Variants in MXRA5 observed in about 807,000 individuals in gnomAD.
The protein encoded by MXRA5 is matrix-remodeling-associated protein 5.
MXRA5 carries 41 observed loss-of-function variants against 112.5 expected under a neutral mutation model. The ratio of observed to expected loss-of-function variants is 0.36; its 90% CI spans 0.28 to 0.47. The LOEUF (loss-of-function observed/expected upper bound fraction) is 0.47. MXRA5 is among the 20% of genes least tolerant of loss of function. MXRA5 has a pLI of 0.99. For synonymous variants in MXRA5, 862 were observed against 900.8 expected (o/e 0.96, Z 0.77); for missense variants, 2,150 against 2,251.0 (o/e 0.96, Z 0.91).
rs1441464570 is a variant in MXRA5 at position 3,317,126 on chromosome X, C to A, written c.6555G>T (p.Lys2185Asn). The A allele has an allele frequency of 8.5e-7, 1 of 1,183,218 alleles. No homozygotes were observed. The highest frequency in any genetic ancestry group is 3.1e-5 in the East Asian group (1 of 32,739). Reference protein sequence around the residue: ...WPRILWRLPSKRMIDALFSFD... With the variant: ...WPRILWRLPSNRMIDALFSFD... Reference sequence around the variant, plus strand: ...ACCTGAAGAGCGCGTCGATCATCCTCTTGGACGGCAGCCTCCAGAGGATGC... The same window carrying A: ...ACCTGAAGAGCGCGTCGATCATCCTATTGGACGGCAGCCTCCAGAGGATGC... The change falls in exon 6 of 7, where the codon AAG (lysine) becomes AAT (asparagine). Residue 2185 changes from lysine to asparagine, a missense_variant. Physicochemically the swap from Lys to Asn is moderately conservative, Grantham distance 94. Around this residue, in one of 6 missense-constraint regions of MXRA5, gnomAD observed 1,485 missense variants for 1,471.6 expected, o/e 1.01. Coordinates refer to ENST00000217939, the MANE Select transcript of MXRA5 (RefSeq NM_015419.4).
intron 2 of MXRA5, among the ~76,000 whole-genome samples, chrX:3,333,302 C>CAAAAAAAAAAAAAAAA (rs386416494): frequency 1.4e-4 from 2 of 14,812 alleles, no homozygotes; most frequent in African/African-American, 3.2e-4. Context: ...TACCCCATAT[C>CAAAAAAAAAAAAAAAA]AAAAAAAAAA....
chrX:3,332,046 C>T (rs959682118), intron 2 of MXRA5, among the ~76,000 whole-genome samples: 6 of 111,875 alleles, frequency 5.4e-5, no homozygotes, highest in African/African-American at 2.0e-4. Context: ...TTCTCATACT[C>T]ATATGTGCTC....
At position 3,321,924 on chromosome X, in the gene MXRA5, C is replaced by T; in HGVS notation, c.3761G>A (p.Gly1254Glu). The T allele has an allele frequency of 8.3e-7, 1 of 1,210,956 alleles. No homozygotes were observed. The highest frequency in any genetic ancestry group is 1.1e-6 in the Non-Finnish European group (1 of 895,211). The change falls in exon 5 of 7, where the codon GGA (glycine) becomes GAA (glutamate). Residue 1254 changes from glycine to glutamate, a missense_variant. Physicochemically the swap from Gly to Glu is moderately conservative, Grantham distance 98. Around this residue, in one of 6 missense-constraint regions of MXRA5, gnomAD observed 1,485 missense variants for 1,471.6 expected, o/e 1.01. Transcript: ENST00000217939. ...TPSTVSSRAS[G>E]SKPSPSPENK... is the part of the protein sequence containing the mutation. Reference sequence around the variant, plus strand: ...TTCTGGAGAAGGGCTGGGCTTGGATCCGGACGCTCTTGAGCTCACTGTAGA... The same window carrying T: ...TTCTGGAGAAGGGCTGGGCTTGGATTCGGACGCTCTTGAGCTCACTGTAGA...
intron 4 of MXRA5, among the ~76,000 whole-genome samples, chrX:3,327,853 A>G (rs1921549675): frequency 8.9e-6 from 1 of 112,886 alleles, no homozygotes; most frequent in African/African-American, 3.2e-5. Context: ...ATACTTTACA[A>G]TCTTGAGTTT....
intron 2 of MXRA5, among the ~76,000 whole-genome samples, chrX:3,336,139 C>A (rs1198881119): frequency 5.4e-5 from 6 of 111,898 alleles, no homozygotes; most frequent in African/African-American, 2.0e-4. Context: ...ACTGTGTGTG[C>A]AAGGGATCTA....
chrX:3,310,227 C>T lies in MXRA5; in HGVS notation c.7976G>A (p.Cys2659Tyr). Residue 2659 changes from cysteine (C) to tyrosine (Y), a missense_variant, in exon 7 of 7, where the codon TGC becomes TAC. Around this residue, in one of 6 missense-constraint regions of MXRA5, gnomAD observed 178 missense variants for 198.2 expected, o/e 0.90. Coordinates refer to ENST00000217939, the MANE Select transcript of MXRA5 (RefSeq NM_015419.4). The part of the protein sequence containing the change: ...IINGETLKLP[C>Y]TPPGAGQGRF... Reference sequence around the variant, plus strand: ...TCCCTGCCCAGCCCCGGGAGGGGTGCAGGGGAGCTTCAGGGTCTCACCATT... The same window carrying T: ...TCCCTGCCCAGCCCCGGGAGGGGTGTAGGGGAGCTTCAGGGTCTCACCATT... The T allele has an allele frequency of 2.5e-6, 3 of 1,211,741 alleles. No homozygotes were observed. The highest frequency in any genetic ancestry group is 3.4e-6 in the Non-Finnish European group (3 of 895,453).
intron 2 of MXRA5, among the ~76,000 whole-genome samples, chrX:3,339,290 C>T (rs757924896): frequency 2.8e-5 from 3 of 109,013 alleles, no homozygotes; most frequent in Non-Finnish European, 5.7e-5. Context: ...TTTGAGATGG[C>T]GTCTCGCTCT....
rs1326143519 is a variant in MXRA5, at chrX:3,310,545, G to A, written c.7658C>T (p.Thr2553Met). The stretch of plus-strand genomic sequence containing the variant: ...GCTGATGGTGTGGCCCGCCATGGCC[G>A]TGATCTTCTCGCTGATCGGGTCGTG... ...IFHDPISEKITAMAGHTISLN... is the reference protein window; with the variant it reads ...IFHDPISEKIMAMAGHTISLN... Residue 2553 changes from threonine to methionine, a missense_variant, in exon 7 of 7, where the codon ACG (threonine) becomes ATG (methionine). Coordinates refer to ENST00000217939, the MANE Select transcript of MXRA5 (RefSeq NM_015419.4). 1.0e-5 allele frequency: 12 copies of A among 1,184,774 alleles called. No homozygotes were observed. The East Asian group carries it at 1.5e-4, about 15-fold the overall frequency.
chrX:3,331,359 C>T (rs1316876258), intron 2 of MXRA5, among the ~76,000 whole-genome samples: 1 of 112,121 alleles, frequency 8.9e-6, no homozygotes, highest in Non-Finnish European at 1.9e-5. Context: ...TTGGAATATG[C>T]TGTTGTGGTC....
chrX:3,335,011 T>C (rs1052507997), intron 2 of MXRA5, among the ~76,000 whole-genome samples: 1 of 111,194 alleles, frequency 9.0e-6, no homozygotes, highest in African/African-American at 3.3e-5. Flanking sequence ...CCATAGTGAC[T>C]GTGTATTCTT....
At position 3,324,634 on chromosome X, in the gene MXRA5, C is replaced by G. The variant is rs1403370518; in HGVS notation, c.1051G>C (p.Asp351His). 4.1e-6 allele frequency: 5 copies of G among 1,210,577 alleles called. No individual in the cohort carries two copies. Among genetic ancestry groups the G allele is most frequent in the Non-Finnish European group, 5.6e-6 (5 of 894,657 alleles). ...DVYKIHLNQT[D>H]PPDIDINATV... ...GCATTTATGTCAATATCTGGAGGAT[C>G]CGTTTGGTTCAAGTGAATCTTGTAC... The change falls in exon 5 of 7, where the codon GAT (aspartate) becomes CAT (histidine). Residue 351 changes from aspartate to histidine, a missense_variant. Coordinates refer to ENST00000217939, the MANE Select transcript of MXRA5 (RefSeq NM_015419.4).
At position 3,320,933 on chromosome X, in the gene MXRA5, C is replaced by T. The variant is rs748706178; in HGVS notation, c.4752G>A (p.Arg1584=). ...LELEKQVFGS[R]SLPRGPDSQR... ...GGCTATCTGGGCCACGTGGTAGACT[C>T]CTACTACCAAATACTTGCTTTTCCA... Residue 1584 remains arginine (R), a synonymous_variant, in exon 5 of 7, where the codon AGG becomes AGA. Coordinates refer to ENST00000217939, the MANE Select transcript of MXRA5 (RefSeq NM_015419.4). The T allele has an allele frequency of 2.2e-5, 27 of 1,211,464 alleles. No individual in the cohort carries two copies. Among genetic ancestry groups the T allele is most frequent in the Non-Finnish European group, 3.0e-5 (27 of 895,328 alleles).
intron 2 of MXRA5, among the ~76,000 whole-genome samples, chrX:3,340,316 T>G (rs1267649763): frequency 1.8e-5 from 2 of 112,059 alleles, no homozygotes; most frequent in African/African-American, 6.5e-5. Flanking sequence ...GAGTTTTATC[T>G]GTTAGACATT....
chrX:3,317,061 A>C, intron 6 of MXRA5, 42 bp downstream of exon 6: 1 of 1,095,022 alleles, frequency 9.1e-7, no homozygotes, highest in Middle Eastern at 3.4e-4. Context: ...CGTTGGGGCC[A>C]CCAGCCCAGC....
At chrX:3,327,313 C>T (rs1465746256) in intron 4 of MXRA5, among the ~76,000 whole-genome samples, 3 of 111,987 alleles carry the variant, frequency 2.7e-5, no homozygotes. Flanking sequence ...CATACACATA[C>T]TCACACTCAC....
intron 2 of MXRA5, among the ~76,000 whole-genome samples, chrX:3,341,427 G>A (rs190470776): frequency 0.21 from 1,589 of 7,569 alleles, 183 homozygotes; most frequent in African/African-American, 0.3. Flanking sequence ...TATAATATAT[G>A]TAATATATAT....
In MXRA5 at chrX:3,323,762, G is replaced by A; in HGVS notation, c.1923C>T (p.Val641=). ...TGTAGTAACCACTGTCACTGACTTGGACCTTTGGGATGGAAAGAGTTCCAT... is the reference window on the plus strand; with the variant it reads ...TGTAGTAACCACTGTCACTGACTTGAACCTTTGGGATGGAAAGAGTTCCAT... ...LPNGTLSIPK[V]QVSDSGYYRC... The change falls in exon 5 of 7, where the codon GTC becomes GTT. Residue 641 remains valine, a synonymous_variant. Transcript: ENST00000217939. 2 of 1,211,796 alleles carry A rather than the reference G, an allele frequency of 1.7e-6. No homozygotes were observed.
chrX:3,309,549 T>C lies in MXRA5; in HGVS notation c.*167A>G. On this transcript the variant is annotated 3_prime_UTR_variant, in exon 7 of 7. Coordinates refer to ENST00000217939, the MANE Select transcript of MXRA5 (RefSeq NM_015419.4). ...GCCCTCCTTCTCGTGTCTGCATTGC[T>C]TCCTTTTCCCAACAATTGTAGATCA... The C allele has an allele frequency of 6.5e-6, 3 of 461,411 alleles. No homozygotes were observed. The highest frequency in any genetic ancestry group is 1.1e-5 in the Non-Finnish European group (3 of 271,382). 38.0% of individuals were successfully genotyped at this position (461,411 alleles called of 1,213,427 possible).
rs1441450146 is a variant in MXRA5, at chrX:3,310,368, C to A, written c.7835G>T (p.Gly2612Val). 8.3e-7 allele frequency: 1 copy of A among 1,204,980 alleles called. No individual in the cohort carries two copies. The highest frequency in any genetic ancestry group is 1.1e-6 in the Non-Finnish European group (1 of 891,693). Residue 2612 changes from glycine (G) to valine (V), a missense_variant, in exon 7 of 7, where the codon GGG becomes GTG. Gly to Val is a moderately radical substitution (Grantham distance 109). Coordinates refer to ENST00000217939, the MANE Select transcript of MXRA5 (RefSeq NM_015419.4). ...HISGLSSVDA[G>V]AYRCVARNAA... ...ATTGCGGGCCACGCAGCGGTAGGCC[C>A]CGGCGTCCACCGAGGAGAGACCGCT...
Sources: gnomAD v4.1 joint callset for allele counts (sites outside exome capture counted in the v4.1 genomes callset) on GRCh38, gnomAD v4.1.1 for gene constraint, gnomAD v4.1.1 regional missense constraint, MANE v1.5 for transcripts, NCBI Gene and HGNC (gene_info 2026-07-23, HGNC 2026-07-21) for gene names.